FARS2: variants seen among roughly 807,000 people sequenced by gnomAD.
The protein encoded by FARS2 is phenylalanine--tRNA ligase, mitochondrial.
Under a neutral mutation model 46.4 loss-of-function variants are expected in FARS2, and 40 were observed. The observed-to-expected ratio is 0.86, with a 90% CI of 0.67 to 1.12. The LOEUF (loss-of-function observed/expected upper bound fraction) is 1.12, where lower values mean the gene tolerates loss of function less well. FARS2 is among the 50% of genes most tolerant of loss of function. The pLI, the probability that FARS2 is intolerant of heterozygous loss-of-function variation, is 0.00. For synonymous variants in FARS2, 234 were observed against 214.9 expected (o/e 1.09, Z -0.78); for missense variants, 513 against 567.9 (o/e 0.90, Z 0.98).
chr6:5,329,163 A>G (rs1022513751), intron 1 of FARS2, among the ~76,000 whole-genome samples: 1 of 152,152 alleles, frequency 6.6e-6, no homozygotes, highest in Non-Finnish European at 1.5e-5. Context: ...CTACCAACCA[A>G]CTTATAAACA....
chr6:5,388,099 A>G lies in FARS2; in HGVS notation c.613-16443A>G, dbSNP rs114241000. ...TCTTTTGTTTCTAAACTCTCTTGCT[A>G]TGACCTTTTCAGTTATCTTTGACAG... is the stretch of plus-strand genomic sequence containing the variant. On this transcript the variant is annotated intron_variant, in intron 2 of 6. Transcript: ENST00000274680. Among the ~76,000 whole-genome samples, 411 of 152,106 alleles carry G rather than the reference A, an allele frequency of 2.7e-3. 3 individuals are homozygous for G. Among genetic ancestry groups the G allele is most frequent in the African/African-American group, 9.4e-3 (388 of 41,464 alleles).
intron 4 of FARS2, among the ~76,000 whole-genome samples, chr6:5,438,257 C>CT (rs1269588587): frequency 2.5e-5 from 2 of 78,638 alleles, no homozygotes; most frequent in African/African-American, 1.0e-4. Flanking sequence ...CCCCCCCCCC[C>CT]ATTTTTGTTT....
At chr6:5,473,111 C>T (rs559034618) in intron 4 of FARS2, among the ~76,000 whole-genome samples, 2 of 152,094 alleles carry the variant, frequency 1.3e-5, no homozygotes, top group East Asian at 1.9e-4. Context: ...TTGGTGTTAT[C>T]TATATTTGCA....
chr6:5,626,085 A>G (rs1161629688), intron 6 of FARS2, among the ~76,000 whole-genome samples: 1 of 152,174 alleles, frequency 6.6e-6, no homozygotes, highest in African/African-American at 2.4e-5. Context: ...GTGTCTAGTA[A>G]GGAAAAAGCA....
intron 1 of FARS2, among the ~76,000 whole-genome samples, chr6:5,269,140 A>G (rs1306095990): frequency 6.6e-6 from 1 of 152,210 alleles, no homozygotes; most frequent in African/African-American, 2.4e-5. Context: ...CATATACACC[A>G]TGGAATACTA....
chr6:5,315,462 AT>A (rs1448658743), intron 1 of FARS2, among the ~76,000 whole-genome samples: 2 of 152,208 alleles, frequency 1.3e-5, no homozygotes, highest in African/African-American at 4.8e-5. Context: ...ATAAACTGTA[AT>A]GAAATTCACC....
At chr6:5,370,476 G>A (rs756523360) in intron 2 of FARS2, among the ~76,000 whole-genome samples, 5 of 152,000 alleles carry the variant, frequency 3.3e-5, no homozygotes, top group South Asian at 4.2e-4. Context: ...ATAAAGACAG[G>A]TCAAAATCTG....
At chr6:5,322,347 A>G (rs536280800) in intron 1 of FARS2, among the ~76,000 whole-genome samples, 4 of 152,386 alleles carry the variant, frequency 2.6e-5, no homozygotes, top group African/African-American at 4.8e-5. Context: ...TCTCTTTTAT[A>G]AAAACAAATT....
At chr6:5,602,670 A>AGG (rs1554114902) in intron 5 of FARS2, among the ~76,000 whole-genome samples, 13,290 of 137,624 alleles carry the variant, frequency 0.097, 1,244 homozygotes, top group African/African-American at 0.21. Context: ...AAAAAAAAAA[A>AGG]GGGAACCTCC....
intron 5 of FARS2, among the ~76,000 whole-genome samples, chr6:5,589,406 A>C (rs7751224): frequency 0.21 from 31,439 of 152,238 alleles, 3,482 homozygotes; most frequent in East Asian, 0.41. Context: ...ATTGCAGTAC[A>C]TGCTTATCAG....
Position 5,764,246 on chromosome 6 carries a change from C to CAGA in FARS2, c.1218-7044_1218-7042dup, listed in dbSNP as rs370602514. On this transcript the variant is annotated intron_variant, in intron 6 of 6. Coordinates refer to ENST00000274680, the MANE Select transcript of FARS2 (RefSeq NM_006567.5). The surrounding 1 kb of genome is among the most constrained non-coding windows in gnomAD (Gnocchi z 4.1). ...CCAGAGTCGCACAGCTAGCAAAGGG[C>CAGA]AGAGCAGGAATTAGAACCAAGTTTC... Among the ~76,000 whole-genome samples, 258 of 152,202 alleles carry CAGA rather than the reference C, an allele frequency of 1.7e-3. 3 individuals carry two copies. The highest frequency in any genetic ancestry group is 6.1e-3 in the African/African-American group (254 of 41,518).
chr6:5,645,232 A>G (rs929361482), intron 6 of FARS2, among the ~76,000 whole-genome samples: 3 of 152,220 alleles, frequency 2.0e-5, no homozygotes, highest in Non-Finnish European at 2.9e-5. Context: ...ACAAGAGTGC[A>G]TTTACCTGCT....
intron 1 of FARS2, among the ~76,000 whole-genome samples, chr6:5,302,159 G>T (rs1768363492): frequency 6.6e-6 from 1 of 152,120 alleles, no homozygotes. Context: ...CCCTAAGTTT[G>T]GTCCTAGGAA....
At chr6:5,283,185 C>T (rs1303926645) in intron 1 of FARS2, among the ~76,000 whole-genome samples, 1 of 151,896 alleles carries the variant, frequency 6.6e-6, no homozygotes. Flanking sequence ...CCAGCCTGAC[C>T]AATATGAAGA....
chr6:5,444,416 G>A (rs917856444), intron 4 of FARS2, among the ~76,000 whole-genome samples: 10 of 142,254 alleles, frequency 7.0e-5, no homozygotes, highest in East Asian at 4.2e-4. Context: ...GCAGTGAGCC[G>A]AGATTGCGCC....
chr6:5,639,170 A>G (rs1389566349), intron 6 of FARS2, among the ~76,000 whole-genome samples: 3 of 152,272 alleles, frequency 2.0e-5, no homozygotes, highest in African/African-American at 7.2e-5. Flanking sequence ...TAAAAGCAGT[A>G]TTATAAGTCT....
At chr6:5,479,705 G>A (rs368249621) in intron 4 of FARS2, among the ~76,000 whole-genome samples, 6 of 152,248 alleles carry the variant, frequency 3.9e-5, no homozygotes, top group South Asian at 2.1e-4. Context: ...AGGCGGTATC[G>A]TGTATATAAA....
intron 4 of FARS2, among the ~76,000 whole-genome samples, chr6:5,469,665 T>C (rs973240057): frequency 6.6e-6 from 1 of 152,202 alleles, no homozygotes; most frequent in African/African-American, 2.4e-5. Context: ...TAATGTCTCA[T>C]GAAAAAATTA....
chr6:5,741,746 G>A (rs1183999778), intron 6 of FARS2, among the ~76,000 whole-genome samples: 1 of 152,208 alleles, frequency 6.6e-6, no homozygotes, highest in Non-Finnish European at 1.5e-5. Flanking sequence ...TGCCTCCTGG[G>A]TTCAAGCCAT....
Sources: allele counts gnomAD v4.1 joint callset (sites outside exome capture counted in the v4.1 genomes callset), GRCh38; gene constraint gnomAD v4.1.1; non-coding constraint Gnocchi (gnomAD v3.1); transcripts MANE v1.5; gene names NCBI Gene and HGNC (gene_info 2026-07-23, HGNC 2026-07-21).